The following ITPR1 variants were observed in gnomAD, a reference collection of about 807,000 sequenced individuals.
The protein encoded by ITPR1 is inositol 1,4,5-trisphosphate-gated calcium channel ITPR1.
ITPR1 carries 96 observed loss-of-function variants against 318.4 expected under a neutral mutation model. The ratio of observed to expected loss-of-function variants is 0.30; its 90% CI spans 0.26 to 0.36. ITPR1 has a LOEUF of 0.36. ITPR1 is among the 10% of genes least tolerant of loss of function. The pLI, the probability that ITPR1 is intolerant of heterozygous loss-of-function variation, is 1.00. For missense variants in ITPR1, 2,440 were observed against 3,460.2 expected (o/e 0.71, Z 7.40); for synonymous variants, 1,312 against 1,289.9 (o/e 1.02, Z -0.37).
intron 4 of ITPR1, among the ~76,000 whole-genome samples, chr3:4,549,880 G>T (rs2085386390): frequency 6.6e-6 from 1 of 152,118 alleles, no homozygotes; most frequent in African/African-American, 2.4e-5. Flanking sequence ...AACCTTTCGA[G>T]GGCAGAAAAG....
In ITPR1 at chr3:4,777,156, T is replaced by G. The variant is rs114533823; in HGVS notation, c.6181-108T>G. 475 of 643,696 alleles carry G rather than the reference T, an allele frequency of 7.4e-4. 2 individuals are homozygous for G. In the African/African-American group the frequency reaches 7.8e-3, roughly 11 times the overall value. The allele number at this position is 643,696 out of a possible 1,614,324, so 39.9% of individuals were successfully genotyped here. On this transcript the variant is annotated intron_variant, in intron 47 of 61. Transcript: ENST00000649015. Reference sequence around the variant, plus strand: ...ATTTGCAGCTCTCCCCTAGAGACATTACTGGGAGTGGTAAGCATTGTGTTG... The same window carrying G: ...ATTTGCAGCTCTCCCCTAGAGACATGACTGGGAGTGGTAAGCATTGTGTTG...
intron 60 of ITPR1, among the ~76,000 whole-genome samples, chr3:4,819,762 G>C (rs2049560784): frequency 6.6e-6 from 1 of 152,168 alleles, no homozygotes; most frequent in South Asian, 2.1e-4. Context: ...AAAAGGTTTT[G>C]AAAGAGAGGA....
intron 2 of ITPR1, among the ~76,000 whole-genome samples, chr3:4,500,210 GT>G (rs1411434794): frequency 2.0e-5 from 3 of 152,004 alleles, no homozygotes; most frequent in Admixed American, 1.3e-4. Flanking sequence ...TGTTTGTTTT[GT>G]TTTTTTGAGA....
intron 4 of ITPR1, among the ~76,000 whole-genome samples, chr3:4,538,835 G>A (rs537642957): frequency 7.2e-5 from 11 of 152,100 alleles, no homozygotes; most frequent in Admixed American, 1.3e-4. Context: ...ATGAGAATGC[G>A]TGGACACAGA....
intron 4 of ITPR1, among the ~76,000 whole-genome samples, chr3:4,540,996 C>T (rs17040868): frequency 2.0e-5 from 3 of 151,840 alleles, no homozygotes; most frequent in South Asian, 2.1e-4. Context: ...GATATTTTAA[C>T]GTGCATATTT....
intron 4 of ITPR1, among the ~76,000 whole-genome samples, chr3:4,525,049 A>G (rs1013826631): frequency 7.9e-5 from 12 of 152,134 alleles, no homozygotes; most frequent in African/African-American, 2.4e-4. Flanking sequence ...TGTAAATCTC[A>G]TGTTTAATTT....
chr3:4,501,732 G>A lies in ITPR1; in HGVS notation c.-17+7226G>A, dbSNP rs569812853. Among the ~76,000 whole-genome samples the A allele has an allele frequency of 1.6e-3, 241 of 152,310 alleles. 1 individual carries two copies. The highest frequency in any genetic ancestry group is 5.6e-3 in the African/African-American group (231 of 41,570). ...ACATGATTCCCTCTCCAACAAACAT[G>A]GGAACTTTGATGCTTACATTTGGGG... On this transcript the variant is annotated intron_variant, in intron 2 of 61. Transcript: ENST00000649015.
chr3:4,687,365 A>G (rs80078323), intron 30 of ITPR1, among the ~76,000 whole-genome samples: 2,884 of 152,284 alleles, frequency 0.019, 39 homozygotes, highest in Middle Eastern at 0.041. Context: ...CTTCATAACA[A>G]TCACATGAAG....
intron 4 of ITPR1, among the ~76,000 whole-genome samples, chr3:4,563,826 G>T (rs954710633): frequency 6.6e-6 from 1 of 152,204 alleles, no homozygotes; most frequent in Non-Finnish European, 1.5e-5. Context: ...ATCCTATATA[G>T]AGGTTTTATT....
chr3:4,608,248 T>C (rs1378709073), intron 4 of ITPR1, among the ~76,000 whole-genome samples: 1 of 152,120 alleles, frequency 6.6e-6, no homozygotes, highest in Admixed American at 6.5e-5. Flanking sequence ...GAGCATTGTA[T>C]CATTTTAAAA....
intron 24 of ITPR1, among the ~76,000 whole-genome samples, 185 bp downstream of exon 24, chr3:4,676,986 C>T (rs538633655): frequency 6.6e-6 from 1 of 152,198 alleles, no homozygotes; most frequent in African/African-American, 2.4e-5. Flanking sequence ...CTCCTACCCT[C>T]CCAACATGGC....
chr3:4,774,054 T>C (rs1413301816), intron 46 of ITPR1, among the ~76,000 whole-genome samples: 1 of 152,238 alleles, frequency 6.6e-6, no homozygotes, highest in African/African-American at 2.4e-5. Context: ...TTGCCTCTCT[T>C]TCATCCATAG....
intron 52 of ITPR1, among the ~76,000 whole-genome samples, chr3:4,791,668 A>G (rs2047565287): frequency 6.6e-6 from 1 of 152,222 alleles, no homozygotes; most frequent in Non-Finnish European, 1.5e-5. Context: ...TCCTGTGGGC[A>G]CTTACTATCT....
At chr3:4,765,624 AG>A (rs1463248771) in intron 44 of ITPR1, among the ~76,000 whole-genome samples, 1 of 152,182 alleles carries the variant, frequency 6.6e-6, no homozygotes, top group Non-Finnish European at 1.5e-5. Context: ...AATTGGCAGA[AG>A]ATACACTGGA....
At chr3:4,554,075 TA>T (rs2085870916) in intron 4 of ITPR1, among the ~76,000 whole-genome samples, 1 of 152,238 alleles carries the variant, frequency 6.6e-6, no homozygotes, top group East Asian at 1.9e-4. Flanking sequence ...AAAGAACCTT[TA>T]TTGGTATCTT....
At chr3:4,653,169 A>G (rs1046576469) in intron 11 of ITPR1, among the ~76,000 whole-genome samples, 2 of 152,224 alleles carry the variant, frequency 1.3e-5, no homozygotes, top group African/African-American at 2.4e-5. Context: ...CTAGTCGTGC[A>G]TCAAAAGACC....
chr3:4,809,649 A>C (rs1346913434), intron 55 of ITPR1, among the ~76,000 whole-genome samples: 2 of 152,156 alleles, frequency 1.3e-5, no homozygotes, highest in Non-Finnish European at 2.9e-5. Context: ...TAATTTTCCA[A>C]TTAGAAGAAA....
intron 60 of ITPR1, among the ~76,000 whole-genome samples, chr3:4,820,341 A>G (rs2049613958): frequency 6.6e-6 from 1 of 152,004 alleles, no homozygotes; most frequent in South Asian, 2.1e-4. Flanking sequence ...TTGTCTCTGA[A>G]GTGTTTGAGT....
At chr3:4,656,794 A>G (rs2093719588) in intron 12 of ITPR1, among the ~76,000 whole-genome samples, 2 of 152,202 alleles carry the variant, frequency 1.3e-5, no homozygotes, top group South Asian at 2.1e-4. Flanking sequence ...TAAGAAAAGC[A>G]GGCTGTAGTG....
Sources: gnomAD v4.1 joint callset for allele counts (sites outside exome capture counted in the v4.1 genomes callset) on GRCh38, gnomAD v4.1.1 for gene constraint, MANE v1.5 for transcripts, NCBI Gene and HGNC (gene_info 2026-07-23, HGNC 2026-07-21) for gene names.